ALPK2: variants seen among roughly 807,000 people sequenced by gnomAD.
ALPK2 encodes alpha-protein kinase 2.
Under a neutral mutation model 163.1 loss-of-function variants are expected in ALPK2, and 127 were observed. The ratio of observed to expected loss-of-function variants is 0.78; its 90% CI spans 0.67 to 0.90. ALPK2 has a LOEUF of 0.90. Among genes scored for constraint, ALPK2 ranks in the 40% least tolerant of loss-of-function variants. The pLI is 0.00. For missense variants in ALPK2, 2,360 were observed against 2,589.6 expected, an observed-to-expected ratio of 0.91 and a Z score of 1.92; for synonymous variants, 953 against 959.1, an observed-to-expected ratio of 0.99 and a Z score of 0.12.
chr18:58,598,033 A>G (rs2052049720), intron 3 of ALPK2, among the ~76,000 whole-genome samples: 1 of 152,242 alleles, frequency 6.6e-6, no homozygotes, highest in Admixed American at 6.5e-5. Flanking sequence ...ACGGTGAGAA[A>G]GAAACTTCTG....
intron 3 of ALPK2, among the ~76,000 whole-genome samples, chr18:58,590,623 A>C (rs1224408367): frequency 6.6e-6 from 1 of 152,212 alleles, no homozygotes; most frequent in Non-Finnish European, 1.5e-5. Context: ...AATCATTTTT[A>C]TAACTGAAGG....
chr18:58,555,698 C>T lies in ALPK2; in HGVS notation c.1963-17474G>A, dbSNP rs991634900. Among the ~76,000 whole-genome samples, 4 of 152,272 alleles carry T rather than the reference C, an allele frequency of 2.6e-5. No individual in the cohort carries two copies. The South Asian group carries it at 6.2e-4, about 24-fold the overall frequency. On this transcript the variant is annotated intron_variant, in intron 4 of 12. Transcript: ENST00000361673. ...GAATGGGAGGGGCATGCATGAGGCC[C>T]GAAGAACCCCAACCATTTCAGTGGA...
chr18:58,620,616 G>T (rs1169808420), intron 1 of ALPK2, among the ~76,000 whole-genome samples: 1 of 152,000 alleles, frequency 6.6e-6, no homozygotes, highest in East Asian at 1.9e-4. Flanking sequence ...TAGTACATTT[G>T]CTTTTTAAAA....
At chr18:58,596,613 G>T (rs2052042628) in intron 3 of ALPK2, among the ~76,000 whole-genome samples, 1 of 152,212 alleles carries the variant, frequency 6.6e-6, no homozygotes, top group African/African-American at 2.4e-5. Flanking sequence ...GCTGTGGGAG[G>T]CCTGTTAGAT....
intron 4 of ALPK2, among the ~76,000 whole-genome samples, chr18:58,548,312 G>C (rs762987542): frequency 2.0e-5 from 3 of 150,428 alleles, no homozygotes; most frequent in Non-Finnish European, 4.4e-5. Flanking sequence ...CCTCGGGTTT[G>C]GTTTCCTGTG....
rs776555543 is a variant in ALPK2, at chr18:58,578,833, T to TCTGGAA, written c.1937_1942dup (p.Val646_Pro647dup). The TCTGGAA allele has an allele frequency of 5.8e-5, 93 of 1,613,302 alleles. 1 individual carries two copies. The highest frequency in any genetic ancestry group is 7.6e-5 in the Non-Finnish European group (90 of 1,179,782). On this transcript the variant is annotated inframe_insertion, in exon 4 of 13. Coordinates refer to ENST00000361673, the MANE Select transcript of ALPK2 (RefSeq NM_052947.4). ...TCTTACCTGAGGAGGATCACTCCAG[T>TCTGGAA]CTGGAACCTGGCTTGTTTCAAATAG... is the stretch of plus-strand genomic sequence containing the variant.
chr18:58,534,896 G>C lies in ALPK2; in HGVS notation c.5291C>G (p.Ser1764Ter). 1.2e-6 allele frequency: 2 copies of C among 1,614,062 alleles called. No homozygotes were observed. Among genetic ancestry groups the C allele is most frequent in the Non-Finnish European group, 1.7e-6 (2 of 1,180,006 alleles). Residue 1764 changes from serine (S) to a stop codon, truncating the protein, a stop_gained, in exon 5 of 13, where the codon TCA becomes TGA. Transcript: ENST00000361673. LOFTEE classifies it high-confidence loss of function. Reference protein sequence around the residue: ...FLKKMPKLETSLSHTEEKQDP... With the variant: ...FLKKMPKLET ...TTGTTTCTCTTCTGTGTGTGATAATGATGTTTCGAGTTTGGGCATCTTTTT... is the reference window on the plus strand; with the variant it reads ...TTGTTTCTCTTCTGTGTGTGATAATCATGTTTCGAGTTTGGGCATCTTTTT...
chr18:58,627,375 C>A (rs947402574), intron 1 of ALPK2, among the ~76,000 whole-genome samples: 1 of 152,204 alleles, frequency 6.6e-6, no homozygotes, highest in Non-Finnish European at 1.5e-5. Context: ...AATCCCAAGA[C>A]TTTGGGAGGC....
chr18:58,540,124 T>C (rs2051682700), intron 4 of ALPK2, among the ~76,000 whole-genome samples: 1 of 152,234 alleles, frequency 6.6e-6, no homozygotes, highest in East Asian at 1.9e-4. Flanking sequence ...GCTCCCATTC[T>C]GTGTTCTAGT....
rs1555673982 is a variant in ALPK2 at position 58,578,736 on chromosome 18, A to ACACGCGCGCACGCGCGCG, written c.1962+77_1962+78insCGCGCGCGTGCGCGCGTG. ...GTGAATGTGAAGTAAAGGAAGAGAC[A>ACACGCGCGCACGCGCGCG]CACACACACACACACACACACACAC... On this transcript the variant is annotated intron_variant, in intron 4 of 12. Coordinates refer to ENST00000361673, the MANE Select transcript of ALPK2 (RefSeq NM_052947.4). The ACACGCGCGCACGCGCGCG allele has an allele frequency of 5.3e-6, 4 of 760,806 alleles. No individual in the cohort carries two copies. The East Asian group carries it at 8.6e-5, about 16-fold the overall frequency. The allele number at this position is 760,806 out of a possible 1,614,324, so 47.1% of individuals were successfully genotyped here.
At chr18:58,587,772 A>G (rs1400869193) in intron 3 of ALPK2, among the ~76,000 whole-genome samples, 3 of 152,174 alleles carry the variant, frequency 2.0e-5, no homozygotes, top group Admixed American at 6.5e-5. Context: ...CAATATATAT[A>G]TAATGAGAGT....
chr18:58,515,892 G>T (rs529125177), intron 9 of ALPK2, among the ~76,000 whole-genome samples: 3 of 152,138 alleles, frequency 2.0e-5, no homozygotes, highest in Non-Finnish European at 4.4e-5. Context: ...CAACTTTCTT[G>T]ACAGCTACAC....
At position 58,515,030 on chromosome 18, in the gene ALPK2, C is replaced by T. The variant is rs769174838; in HGVS notation, c.5992G>A (p.Glu1998Lys). The change falls in exon 10 of 13, where the codon GAA (glutamate) becomes AAA (lysine). Residue 1998 changes from glutamate (E) to lysine (K), a missense_variant. Coordinates refer to ENST00000361673, the MANE Select transcript of ALPK2 (RefSeq NM_052947.4). The part of the protein sequence containing the change: ...ARYYAKIYAA[E>K]AQPLEGFGEV... ...CCAAAGCCTTCCAGAGGCTGTGCTTCAGCAGCGTAGATCTTGGCATAATAC... is the reference window on the plus strand; with the variant it reads ...CCAAAGCCTTCCAGAGGCTGTGCTTTAGCAGCGTAGATCTTGGCATAATAC... 3.1e-6 allele frequency: 5 copies of T among 1,612,934 alleles called. No homozygotes were observed. In the African/African-American group the frequency reaches 5.3e-5, roughly 17 times the overall value.
chr18:58,531,203 T>A (rs1236350107), intron 5 of ALPK2, among the ~76,000 whole-genome samples: 1 of 152,108 alleles, frequency 6.6e-6, no homozygotes, highest in East Asian at 1.9e-4. Flanking sequence ...TCTAAAGTAA[T>A]AATAATAATT....
At chr18:58,525,397 T>C (rs1048562584) in intron 6 of ALPK2, among the ~76,000 whole-genome samples, 24 of 152,122 alleles carry the variant, frequency 1.6e-4, no homozygotes, top group African/African-American at 5.8e-4. Context: ...TTGTGGAAAG[T>C]CCTTCTCCAA....
chr18:58,524,983 G>A (rs949940907), intron 6 of ALPK2, among the ~76,000 whole-genome samples: 6 of 148,108 alleles, frequency 4.1e-5, no homozygotes, highest in African/African-American at 1.2e-4. Context: ...ATATTCAGAC[G>A]TTGTTCTGGT....
At chr18:58,557,842 G>C (rs1039852383) in intron 4 of ALPK2, among the ~76,000 whole-genome samples, 4 of 152,124 alleles carry the variant, frequency 2.6e-5, no homozygotes, top group African/African-American at 9.7e-5. Flanking sequence ...CAGCTACTGG[G>C]GAGGCTGAGG....
In ALPK2 at chr18:58,523,932, T is replaced by A. The variant is rs1568073951; in HGVS notation, c.5629+3A>T. On this transcript the variant is annotated splice_donor_region_variant and intron_variant, in intron 7 of 12. Coordinates refer to ENST00000361673, the MANE Select transcript of ALPK2 (RefSeq NM_052947.4). ...TGGTTTTTCATTGAAAACTGTGGTT[T>A]ACCTTCAGCTGTGAGGTTAAATTCA... 1 of 1,614,186 alleles carries A rather than the reference T, an allele frequency of 6.2e-7. No individual in the cohort carries two copies. The highest frequency in any genetic ancestry group is 1.1e-5 in the South Asian group (1 of 91,088).
At chr18:58,621,988 A>C (rs1172931116) in intron 1 of ALPK2, among the ~76,000 whole-genome samples, 1 of 151,596 alleles carries the variant, frequency 6.6e-6, no homozygotes, top group African/African-American at 2.4e-5. Flanking sequence ...GCTGTTTAAA[A>C]TGTATGGCAG....
Sources: allele counts gnomAD v4.1 joint callset (sites outside exome capture counted in the v4.1 genomes callset), GRCh38; gene constraint gnomAD v4.1.1; transcripts MANE v1.5; gene names NCBI Gene and HGNC (gene_info 2026-07-23, HGNC 2026-07-21).